Variants in KCNB2 observed in about 807,000 individuals in gnomAD.
KCNB2 encodes the protein delayed rectifier potassium channel protein.
A neutral mutation model predicts 61.5 loss-of-function variants in KCNB2; 15 were observed. The observed-to-expected ratio is 0.24, with a 90% confidence interval of 0.16 to 0.38. KCNB2 has a LOEUF of 0.38. KCNB2 is among the 10% of genes least tolerant of loss of function. KCNB2 has a pLI of 1.00. For synonymous variants in KCNB2, 457 were observed against 446.0 expected (o/e 1.02, Z -0.31); for missense variants, 828 against 1,125.2 (o/e 0.74, Z 3.78).
rs1206809414 is a variant in KCNB2 at position 72,765,790 on chromosome 8, T to C, written c.580-170145T>C. 3.9e-5 allele frequency among the ~76,000 whole-genome samples: 6 copies of C among 152,222 alleles called. No individual in the cohort carries two copies. In the East Asian group the frequency reaches 1.2e-3, roughly 29 times the overall value. On this transcript the variant is annotated intron_variant, in intron 2 of 2. Coordinates refer to ENST00000523207, the MANE Select transcript of KCNB2 (RefSeq NM_004770.3). ...TGTTAAGACACTAATTGGTGGGCCA[T>C]AGCCCCAGACTTTCTAATTCACTGG...
chr8:72,814,027 C>T (rs533410249), intron 2 of KCNB2, among the ~76,000 whole-genome samples: 2 of 152,274 alleles, frequency 1.3e-5, no homozygotes, highest in Admixed American at 6.5e-5. Context: ...CCATGACAGG[C>T]TCCTGTGTGT....
chr8:72,720,231 C>T (rs186796751), intron 2 of KCNB2, among the ~76,000 whole-genome samples: 3 of 152,234 alleles, frequency 2.0e-5, no homozygotes, highest in East Asian at 1.9e-4. Context: ...ATATATTAGC[C>T]GGTCAGTTTA....
At chr8:72,689,076 A>G (rs1359164984) in intron 2 of KCNB2, among the ~76,000 whole-genome samples, 4 of 152,188 alleles carry the variant, frequency 2.6e-5, no homozygotes, top group Non-Finnish European at 5.9e-5. Context: ...AATAACTTTC[A>G]CATATTGAGG....
chr8:72,620,413 G>C (rs1022438098), intron 2 of KCNB2, among the ~76,000 whole-genome samples: 6 of 152,156 alleles, frequency 3.9e-5, no homozygotes, highest in Non-Finnish European at 7.3e-5. Flanking sequence ...GTGCTATCTA[G>C]AAGTAGTTAA....
At chr8:72,824,330 G>C (rs983374922) in intron 2 of KCNB2, among the ~76,000 whole-genome samples, 3 of 151,982 alleles carry the variant, frequency 2.0e-5, no homozygotes, top group Admixed American at 1.3e-4. Context: ...AGCCCAGCAG[G>C]GGTTTGGAAG....
chr8:72,560,492 A>G (rs1806494792), intron 1 of KCNB2, among the ~76,000 whole-genome samples: 1 of 152,140 alleles, frequency 6.6e-6, no homozygotes. Context: ...TAGTACCAGT[A>G]GATTCTCTGT....
At chr8:72,818,256 A>T (rs1245310190) in intron 2 of KCNB2, among the ~76,000 whole-genome samples, 3 of 152,218 alleles carry the variant, frequency 2.0e-5, no homozygotes, top group Non-Finnish European at 4.4e-5. Context: ...CTTATTTAGT[A>T]ATGTCAAGAT....
chr8:72,801,648 G>A (rs983841103), intron 2 of KCNB2, among the ~76,000 whole-genome samples: 3 of 151,962 alleles, frequency 2.0e-5, no homozygotes, highest in Non-Finnish European at 4.4e-5. Context: ...TAAACTCTTC[G>A]CTATAATACG....
chr8:72,754,632 G>A (rs1808254483), intron 2 of KCNB2, among the ~76,000 whole-genome samples: 1 of 152,144 alleles, frequency 6.6e-6, no homozygotes, highest in Non-Finnish European at 1.5e-5. Context: ...ATTTAGACTT[G>A]AGTAAAATTT....
At chr8:72,717,355 G>A (rs936959350) in intron 2 of KCNB2, among the ~76,000 whole-genome samples, 8 of 152,164 alleles carry the variant, frequency 5.3e-5, no homozygotes. Flanking sequence ...GCATCGCCAA[G>A]TCAATCCTAA....
chr8:72,825,371 C>T (rs1318575131), intron 2 of KCNB2, among the ~76,000 whole-genome samples: 1 of 152,142 alleles, frequency 6.6e-6, no homozygotes, highest in Non-Finnish European at 1.5e-5. Context: ...GTACAAATAA[C>T]TCTTTGAATC....
At chr8:72,617,597 C>CAAA (rs10706658) in intron 2 of KCNB2, among the ~76,000 whole-genome samples, 1,668 of 136,130 alleles carry the variant, frequency 0.012, 19 homozygotes, top group Non-Finnish European at 0.02. Flanking sequence ...CACAGAAGTG[C>CAAA]AAAAAAAAAA....
chr8:72,569,717 G>A (rs1227154719), intron 2 of KCNB2, among the ~76,000 whole-genome samples: 4 of 152,012 alleles, frequency 2.6e-5, no homozygotes, highest in Admixed American at 2.6e-4. Flanking sequence ...GTACATACTC[G>A]AGTTACTACA....
intron 2 of KCNB2, among the ~76,000 whole-genome samples, chr8:72,590,945 T>C (rs1049959908): frequency 6.6e-6 from 1 of 152,212 alleles, no homozygotes; most frequent in African/African-American, 2.4e-5. Flanking sequence ...AACCTTTGGT[T>C]CTGATTTAAA....
chr8:72,606,336 A>G lies in KCNB2; in HGVS notation c.579+38023A>G, dbSNP rs189187916. ...CACTTTGATGAATATTTAATGATATATGTACATACTCATAATCCAAGTAAA... is the reference window on the plus strand; with the variant it reads ...CACTTTGATGAATATTTAATGATATGTGTACATACTCATAATCCAAGTAAA... On this transcript the variant is annotated intron_variant, in intron 2 of 2. Coordinates refer to ENST00000523207, the MANE Select transcript of KCNB2 (RefSeq NM_004770.3). Among the ~76,000 whole-genome samples the G allele has an allele frequency of 5.9e-5, 9 of 152,330 alleles. No homozygotes were observed. In the East Asian group the frequency reaches 1.7e-3, roughly 29 times the overall value.
At chr8:72,693,359 C>T (rs1267339997) in intron 2 of KCNB2, among the ~76,000 whole-genome samples, 1 of 152,128 alleles carries the variant, frequency 6.6e-6, no homozygotes, top group African/African-American at 2.4e-5. Context: ...CAAAAGCACT[C>T]CTGTGACACC....
intron 2 of KCNB2, among the ~76,000 whole-genome samples, chr8:72,644,406 C>T (rs919743405): frequency 6.6e-6 from 1 of 152,026 alleles, no homozygotes; most frequent in African/African-American, 2.4e-5. Context: ...TGGGTCTTTA[C>T]AATAAAAGGG....
intron 2 of KCNB2, among the ~76,000 whole-genome samples, chr8:72,810,667 C>A (rs1374198817): frequency 6.6e-6 from 1 of 152,160 alleles, no homozygotes; most frequent in African/African-American, 2.4e-5. Context: ...GTCCTTTATT[C>A]TCAAGTTTTT....
At chr8:72,598,725 C>T (rs1807239727) in intron 2 of KCNB2, among the ~76,000 whole-genome samples, 1 of 152,188 alleles carries the variant, frequency 6.6e-6, no homozygotes, top group African/African-American at 2.4e-5. Context: ...CCAAAATCTC[C>T]TTAAGCTGAT....
Sources: allele counts gnomAD v4.1 joint callset (sites outside exome capture counted in the v4.1 genomes callset), GRCh38; gene constraint gnomAD v4.1.1; transcripts MANE v1.5; gene names NCBI Gene and HGNC (gene_info 2026-07-23, HGNC 2026-07-21).